Variants in ENTPD5 observed in about 807,000 individuals in gnomAD.
ENTPD5 encodes the protein ectonucleoside triphosphate diphosphohydrolase 5 (inactive), also known as nucleoside diphosphate phosphatase ENTPD5.
In ENTPD5, 49 loss-of-function variants were observed where a neutral mutation model predicts 60.2. The observed-to-expected ratio is 0.81, with a 90% CI of 0.65 to 1.03. The LOEUF is 1.03. Among genes scored for constraint, ENTPD5 ranks in the 50% least tolerant of loss-of-function variants. The probability of loss-of-function intolerance (pLI) is 0.00; values close to 1 mark genes in which losing one functional copy is unlikely to be tolerated. For missense variants in ENTPD5, 480 were observed against 507.6 expected (o/e 0.95, Z 0.52); for synonymous variants, 187 against 185.4 (o/e 1.01, Z -0.07).
downstream of ENTPD5, chr14:73,955,790 CT>C (rs767633062): frequency 2.5e-6 from 4 of 1,614,098 alleles, no homozygotes; most frequent in Non-Finnish European, 2.5e-6. Context: ...GCAGACTTTC[CT>C]TTTGTGTTTC....
rs1474932944 is a variant in ENTPD5 at position 73,964,640 on chromosome 14, C to T, written c.*2288G>A. 1 of 152,190 alleles carries T rather than the reference C, an allele frequency of 6.6e-6. No individual in the cohort carries two copies. Among genetic ancestry groups the T allele is most frequent in the African/African-American group, 2.4e-5 (1 of 41,434 alleles). 9.4% of individuals were successfully genotyped at this position (152,190 alleles called of 1,614,324 possible). A position where few individuals can be genotyped will look rare whatever the true frequency, so the allele number is the denominator to read the frequency against. On this transcript the variant is annotated 3_prime_UTR_variant, in exon 16 of 16. Transcript: ENST00000334696. The stretch of plus-strand genomic sequence containing the variant: ...ACACAGCTTACCTCTTTTAAAACTG[C>T]TGGTTTCTACTGAAGGAAACATGGA...
intron 3 of ENTPD5, chr14:74,007,713 C>T (rs769803766): frequency 2.6e-5 from 4 of 151,598 alleles, no homozygotes; most frequent in African/African-American, 9.7e-5. Context: ...CTCAGCTACT[C>T]GGGAGGGTGA....
At position 74,011,596 on chromosome 14, in the gene ENTPD5, T is replaced by C. The variant is rs1817928241; in HGVS notation, c.-130-446A>G. ...CAGACAGCTTGAGCTCAGGAGTTTG[T>C]GACCAACCTGGGCAATGTGGCGAAA... On this transcript the variant is annotated intron_variant, in intron 2 of 15. Coordinates refer to ENST00000334696, the MANE Select transcript of ENTPD5 (RefSeq NM_001249.5). Among the ~76,000 whole-genome samples, 3 of 152,080 alleles carry C rather than the reference T, an allele frequency of 2.0e-5. No individual in the cohort carries two copies. The South Asian group carries it at 6.2e-4, about 32-fold the overall frequency.
At chr14:73,963,203 GA>G, downstream of ENTPD5, 3 of 601,286 alleles carry the variant, frequency 5.0e-6, no homozygotes. Flanking sequence ...CAGACCAAAG[GA>G]AAAAACTTCG....
intron 3 of ENTPD5, among the ~76,000 whole-genome samples, chr14:74,000,884 T>C (rs1035555499): frequency 3.9e-5 from 6 of 152,072 alleles, no homozygotes; most frequent in Non-Finnish European, 8.8e-5. Context: ...CCAGAGAGAT[T>C]AGAAAAAGAT....
chr14:73,991,929 G>A (rs2058152369), intron 3 of ENTPD5, among the ~76,000 whole-genome samples: 1 of 151,454 alleles, frequency 6.6e-6, no homozygotes, highest in South Asian at 2.1e-4. Flanking sequence ...AACCCGGGAG[G>A]TGAAGGGTGC....
At chr14:73,972,387 A>G (rs753009675) in intron 13 of ENTPD5, among the ~76,000 whole-genome samples, 2 of 152,082 alleles carry the variant, frequency 1.3e-5, no homozygotes, top group Admixed American at 6.6e-5. Flanking sequence ...AAACAAACAA[A>G]CAAACAAAAA....
chr14:74,005,236 A>T (rs1266802044), intron 3 of ENTPD5, among the ~76,000 whole-genome samples: 1 of 144,390 alleles, frequency 6.9e-6, no homozygotes, highest in Non-Finnish European at 1.5e-5. Context: ...ATTGCACTCC[A>T]GCCTGGGCGA....
Position 73,977,012 on chromosome 14 carries a change from AG to A in ENTPD5, c.553+11del. 3 of 1,606,806 alleles carry A rather than the reference AG, an allele frequency of 1.9e-6. No homozygotes were observed. The highest frequency in any genetic ancestry group is 1.3e-5 in the African/African-American group (1 of 74,898). On this transcript the variant is annotated intron_variant, in intron 8 of 15. Transcript: ENST00000334696. ...TAGTTAAGCTCTAAAGATAAACTTGAGGATGTATTACCTGTCAGAAAATTCA... is the reference window on the plus strand; with the variant it reads ...TAGTTAAGCTCTAAAGATAAACTTGAGATGTATTACCTGTCAGAAAATTCA...
rs115003749 is a variant in ENTPD5 at position 74,000,474 on chromosome 14, A to G, written c.-71+10617T>C. ...AACCCCGTCTCAATTTAAAAAATAT[A>G]TATATAAGCATATATAAAAGAAATG... On this transcript the variant is annotated intron_variant, in intron 3 of 15. Coordinates refer to ENST00000334696, the MANE Select transcript of ENTPD5 (RefSeq NM_001249.5). Among the ~76,000 whole-genome samples, 438 of 151,678 alleles carry G rather than the reference A, an allele frequency of 2.9e-3. 4 individuals are homozygous for G. Among genetic ancestry groups the G allele is most frequent in the African/African-American group, 0.01 (430 of 41,248 alleles).
At chr14:73,992,683 CAAAAAAAA>C (rs199594365) in intron 3 of ENTPD5, among the ~76,000 whole-genome samples, 9,243 of 62,782 alleles carry the variant, frequency 0.15, 480 homozygotes, top group South Asian at 0.43. Context: ...GACTCCGTCT[CAAAAAAAA>C]AAAAAAAAAA....
rs1165983879 is a variant in ENTPD5, at chr14:73,966,081, ATTTC to A, written c.*843_*846del. 1 of 152,238 alleles carries A rather than the reference ATTTC, an allele frequency of 6.6e-6. No individual in the cohort carries two copies. The allele number at this position is 152,238 out of a possible 1,614,324, so 9.4% of individuals were successfully genotyped here. A position where few individuals can be genotyped will look rare whatever the true frequency, so the allele number is the denominator to read the frequency against. ...AGACCAAAAGTTAGGGCCTAGTTGT[ATTTC>A]TTAGAAATACAAAGAAAACAAGTTT... On this transcript the variant is annotated 3_prime_UTR_variant, in exon 16 of 16. Coordinates refer to ENST00000334696, the MANE Select transcript of ENTPD5 (RefSeq NM_001249.5).
downstream of ENTPD5, chr14:73,955,540 A>G (rs1316571476): frequency 1.9e-6 from 3 of 1,601,718 alleles, no homozygotes; most frequent in Non-Finnish European, 2.6e-6. Context: ...TTTTGTCAAG[A>G]TGTCTTGGTC....
chr14:74,001,844 C>A (rs961429109), intron 3 of ENTPD5, among the ~76,000 whole-genome samples: 1 of 151,848 alleles, frequency 6.6e-6, no homozygotes, highest in Admixed American at 6.6e-5. Flanking sequence ...CAGAGTGAGA[C>A]CCTGTCTCAA....
intron 6 of ENTPD5, among the ~76,000 whole-genome samples, chr14:73,978,270 TA>T (rs960488505): frequency 6.7e-5 from 10 of 148,198 alleles, no homozygotes; most frequent in Admixed American, 5.9e-4. Flanking sequence ...AACGGTGCTT[TA>T]AAAATGGACG....
At chr14:74,011,388 C>T (rs1342261817) in intron 2 of ENTPD5, among the ~76,000 whole-genome samples, 1 of 152,146 alleles carries the variant, frequency 6.6e-6, no homozygotes, top group Non-Finnish European at 1.5e-5. Flanking sequence ...ACCACACATC[C>T]AGCTCATTTA....
At chr14:73,983,249 A>C in intron 5 of ENTPD5, 88 bp from the exon 6 acceptor site, 1 of 1,386,612 alleles carries the variant, frequency 7.2e-7, no homozygotes, top group East Asian at 2.4e-5. Flanking sequence ...TGTGGGAGCA[A>C]GAAGAGGGAG....
At chr14:73,999,304 G>GCCC (rs1397115846) in intron 3 of ENTPD5, among the ~76,000 whole-genome samples, 1 of 151,574 alleles carries the variant, frequency 6.6e-6, no homozygotes, top group African/African-American at 2.4e-5. Context: ...CCTGGCCAAC[G>GCCC]TGGTGAAACC....
At chr14:74,007,139 C>T (rs1461347319) in intron 3 of ENTPD5, among the ~76,000 whole-genome samples, 2 of 152,146 alleles carry the variant, frequency 1.3e-5, no homozygotes, top group Admixed American at 6.6e-5. Context: ...GTGGCACACA[C>T]CTGTAGTCCC....
Sources: gnomAD v4.1 joint callset for allele counts (sites outside exome capture counted in the v4.1 genomes callset) on GRCh38, gnomAD v4.1.1 for gene constraint, MANE v1.5 for transcripts, NCBI Gene and HGNC (gene_info 2026-07-23, HGNC 2026-07-21) for gene names.